AFAP1L1: variants seen among roughly 807,000 people sequenced by gnomAD.
The protein encoded by AFAP1L1 is actin filament-associated protein 1-like 1.
A neutral mutation model predicts 99.8 loss-of-function variants in AFAP1L1; 77 were observed. The ratio of observed to expected loss-of-function variants is 0.77; its 90% CI spans 0.64 to 0.93. The LOEUF is 0.93. AFAP1L1 is among the 40% of genes least tolerant of loss of function. The pLI is 0.00. For synonymous variants in AFAP1L1, 373 were observed against 395.3 expected, an observed-to-expected ratio of 0.94 and a Z score of 0.67; for missense variants, 893 against 996.8, an observed-to-expected ratio of 0.90 and a Z score of 1.40.
At chr5:149,307,162 G>A (rs1048458644) in intron 6 of AFAP1L1, among the ~76,000 whole-genome samples, 2 of 152,016 alleles carry the variant, frequency 1.3e-5, no homozygotes, top group Non-Finnish European at 2.9e-5. Flanking sequence ...CAGGAGAATC[G>A]CTTGAATTCG....
chr5:149,288,743 C>A (rs186283411), intron 1 of AFAP1L1, among the ~76,000 whole-genome samples: 3 of 152,216 alleles, frequency 2.0e-5, no homozygotes, highest in African/African-American at 7.2e-5. Flanking sequence ...TCCTCTACCC[C>A]CTCCTGTGTG....
Position 149,336,817 on chromosome 5 carries a change from C to G in AFAP1L1, c.2283+1095C>G, listed in dbSNP as rs62378137. On this transcript the variant is annotated intron_variant, in intron 18 of 18. Transcript: ENST00000296721. ...TTAAAGGCTGCACCTCTCAATACTG[C>G]CACATTAGGGATTAAATTTCAACAT... Among the ~76,000 whole-genome samples the G allele has an allele frequency of 2.0e-4, 31 of 152,300 alleles. No individual in the cohort carries two copies. In the East Asian group the frequency reaches 6.0e-3, roughly 29 times the overall value.
Position 149,341,723 on chromosome 5 carries a change from T to C in AFAP1L1, c.*1693T>C, listed in dbSNP as rs1217679379. 1.3e-5 allele frequency: 2 copies of C among 151,906 alleles called. No individual in the cohort carries two copies. Among genetic ancestry groups the C allele is most frequent in the Non-Finnish European group, 2.9e-5 (2 of 67,994 alleles). The allele number at this position is 151,906 out of a possible 1,614,324, so 9.4% of individuals were successfully genotyped here. A position where few individuals can be genotyped will look rare whatever the true frequency, so the allele number is the denominator to read the frequency against. ...AGTGCACTATGATCACGCCTGTGAA[T>C]TGCCACTGCACTCCAGCCTAAGCAA... On this transcript the variant is annotated 3_prime_UTR_variant, in exon 19 of 19. Coordinates refer to ENST00000296721, the MANE Select transcript of AFAP1L1 (RefSeq NM_152406.4).
chr5:149,310,278 A>C, intron 8 of AFAP1L1, 143 bp downstream of exon 8: 1 of 984,928 alleles, frequency 1.0e-6, no homozygotes. Flanking sequence ...GCTAGGGCTT[A>C]TGTATGGAAA....
Position 149,314,383 on chromosome 5 carries a change from C to T in AFAP1L1, c.1021-1438C>T, listed in dbSNP as rs560173840. 1.2e-4 allele frequency among the ~76,000 whole-genome samples: 18 copies of T among 152,266 alleles called. No homozygotes were observed. The South Asian group carries it at 3.5e-3, about 30-fold the overall frequency. On this transcript the variant is annotated intron_variant, in intron 9 of 18. Coordinates refer to ENST00000296721, the MANE Select transcript of AFAP1L1 (RefSeq NM_152406.4). ...AGCAAGCTTGCAGAGTTGAGCTTTC[C>T]TGTGGCTGAGCATCCACAGGGAGGG...
chr5:149,301,639 T>A (rs1756217500), intron 4 of AFAP1L1, among the ~76,000 whole-genome samples: 2 of 152,166 alleles, frequency 1.3e-5, no homozygotes, highest in Non-Finnish European at 2.9e-5. Context: ...CCCATGACTC[T>A]GCTGTGTAGC....
At chr5:149,273,708 G>A (rs576605807) in intron 1 of AFAP1L1, among the ~76,000 whole-genome samples, 1 of 152,176 alleles carries the variant, frequency 6.6e-6, no homozygotes, top group African/African-American at 2.4e-5. Flanking sequence ...ACACCCCTCA[G>A]TCCTGCTGTT....
In AFAP1L1 at chr5:149,321,254, G is replaced by T. The variant is rs115367290; in HGVS notation, c.1698+791G>T. ...TTCTTCAGACTCAGATAAACCTGTGGATGCAGCTTGAGGTTTTTCTCAGTT... is the reference window on the plus strand; with the variant it reads ...TTCTTCAGACTCAGATAAACCTGTGTATGCAGCTTGAGGTTTTTCTCAGTT... On this transcript the variant is annotated intron_variant, in intron 14 of 18. Transcript: ENST00000296721. 6.0e-3 allele frequency among the ~76,000 whole-genome samples: 914 copies of T among 152,284 alleles called. 8 individuals are homozygous for T. Among genetic ancestry groups the T allele is most frequent in the Non-Finnish European group, 7.9e-3 (538 of 68,020 alleles).
chr5:149,337,430 G>A (rs560869479), intron 18 of AFAP1L1, among the ~76,000 whole-genome samples: 1 of 152,116 alleles, frequency 6.6e-6, no homozygotes, highest in Non-Finnish European at 1.5e-5. Context: ...ATAATAAAAG[G>A]GGGAACACCC....
intron 1 of AFAP1L1, among the ~76,000 whole-genome samples, chr5:149,275,975 A>G (rs1755308747): frequency 6.6e-6 from 1 of 152,224 alleles, no homozygotes; most frequent in Non-Finnish European, 1.5e-5. Context: ...CCATAACAAC[A>G]AGCTTAGGTC....
At chr5:149,285,763 C>T (rs1755659951) in intron 1 of AFAP1L1, among the ~76,000 whole-genome samples, 1 of 152,198 alleles carries the variant, frequency 6.6e-6, no homozygotes, top group African/African-American at 2.4e-5. Flanking sequence ...CCCAAGGCCC[C>T]AGCTCCCCAG....
intron 15 of AFAP1L1, among the ~76,000 whole-genome samples, chr5:149,322,955 G>A (rs948950384): frequency 3.3e-5 from 5 of 152,032 alleles, no homozygotes; most frequent in African/African-American, 7.2e-5. Flanking sequence ...GTAGGAAACC[G>A]GTACCCAGTT....
rs761019918 is a variant in AFAP1L1 at position 149,329,805 on chromosome 5, G to A, written c.1950G>A (p.Leu650=). 2 of 1,612,628 alleles carry A rather than the reference G, an allele frequency of 1.2e-6. No individual in the cohort carries two copies. Among genetic ancestry groups the A allele is most frequent in the East Asian group, 2.2e-5 (1 of 44,840 alleles). ...CACTGAGACAGGAGAAGAGGGAACT[G>A]AAGGAAGCCATTCGGAGCAGCCCAG... is the stretch of plus-strand genomic sequence containing the variant. ...LIALRQEKRE[L]KEAIRSSPGA... is the part of the protein sequence containing the mutation. Residue 650 remains leucine (L), a synonymous_variant, in exon 16 of 19, where the codon CTG becomes CTA. Coordinates refer to ENST00000296721, the MANE Select transcript of AFAP1L1 (RefSeq NM_152406.4).
At chr5:149,291,552 AAAG>A (rs1390401886) in intron 1 of AFAP1L1, among the ~76,000 whole-genome samples, 7 of 10,886 alleles carry the variant, frequency 6.4e-4, no homozygotes, top group African/African-American at 1.6e-3. Context: ...AAAAAAAAAG[AAAG>A]AAAGAAGAGA....
chr5:149,286,498 A>C (rs1219659280), intron 1 of AFAP1L1, among the ~76,000 whole-genome samples: 3 of 152,214 alleles, frequency 2.0e-5, no homozygotes, highest in African/African-American at 7.2e-5. Context: ...AGCCTGTGGC[A>C]TCTGCTGATG....
Position 149,316,244 on chromosome 5 carries a change from A to G in AFAP1L1, c.1208A>G (p.Lys403Arg), listed in dbSNP as rs780854910. The G allele has an allele frequency of 1.9e-6, 3 of 1,614,080 alleles. No homozygotes were observed. The highest frequency in any genetic ancestry group is 2.5e-6 in the Non-Finnish European group (3 of 1,180,002). The change falls in exon 11 of 19, where the codon AAG becomes AGG. Residue 403 changes from lysine (K) to arginine (R), a missense_variant. Lys to Arg is a conservative substitution (Grantham distance 26). Transcript: ENST00000296721. ...KITRIIGFSK[K>R]KTLADDLQTS... The stretch of plus-strand genomic sequence containing the variant: ...ACCCGTATCATTGGCTTCTCCAAGA[A>G]GAAGACACTGGCCGATGACCTGCAG...
chr5:149,310,194 G>A (rs992828611), intron 8 of AFAP1L1, 59 bp downstream of exon 8: 4 of 1,493,580 alleles, frequency 2.7e-6, no homozygotes, highest in African/African-American at 1.4e-5. Flanking sequence ...CCCCAAGCCA[G>A]CCCTCAGTAG....
chr5:149,314,284 G>C (rs1430572587), intron 9 of AFAP1L1, among the ~76,000 whole-genome samples: 1 of 152,216 alleles, frequency 6.6e-6, no homozygotes, highest in East Asian at 1.9e-4. Context: ...CAGTGTGTGT[G>C]AGTGTGTGTG....
intron 15 of AFAP1L1, among the ~76,000 whole-genome samples, chr5:149,325,361 C>T (rs1757067304): frequency 6.6e-6 from 1 of 152,216 alleles, no homozygotes; most frequent in Admixed American, 6.5e-5. Context: ...CAGTATCTCC[C>T]CAGGAAGGGC....
Sources: allele counts gnomAD v4.1 joint callset (sites outside exome capture counted in the v4.1 genomes callset), GRCh38; gene constraint gnomAD v4.1.1; transcripts MANE v1.5; gene names NCBI Gene and HGNC (gene_info 2026-07-23, HGNC 2026-07-21).